Variants in SRPK1 observed in about 807,000 individuals in gnomAD.
The protein encoded by SRPK1 is SFRS protein kinase 1.
In SRPK1, 52 loss-of-function variants were observed where a neutral mutation model predicts 89.5. The ratio of observed to expected loss-of-function variants is 0.58; its 90% CI spans 0.46 to 0.73. The LOEUF is 0.73. Ranked by LOEUF, SRPK1 falls within the 30% of genes least tolerant of loss-of-function variation. The pLI is 0.00. For missense variants in SRPK1, 603 were observed against 780.6 expected, an observed-to-expected ratio of 0.77 and a Z score of 2.71; for synonymous variants, 255 against 270.2, an observed-to-expected ratio of 0.94 and a Z score of 0.55.
intron 2 of SRPK1, among the ~76,000 whole-genome samples, chr6:35,915,639 C>G (rs1195812778): frequency 6.6e-6 from 1 of 151,928 alleles, no homozygotes; most frequent in Non-Finnish European, 1.5e-5. Flanking sequence ...ATAATGTTAA[C>G]TAGGGAAAAG....
chr6:35,869,530 A>G lies in SRPK1; in HGVS notation c.1363T>C (p.Cys455Arg). 1 of 1,613,940 alleles carries G rather than the reference A, an allele frequency of 6.2e-7. No homozygotes were observed. Among genetic ancestry groups the G allele is most frequent in the Non-Finnish European group, 8.5e-7 (1 of 1,179,856 alleles). Residue 455 changes from cysteine to arginine, a missense_variant, in exon 11 of 16, where the codon TGT (cysteine) becomes CGT (arginine). Physicochemically the swap from Cys to Arg is radical, Grantham distance 180. Coordinates refer to ENST00000373825, the MANE Select transcript of SRPK1 (RefSeq NM_003137.5). Reference sequence around the variant, plus strand: ...TGTTCTTGCTCTTGTTCATCTTCACAGGGTATCTCTGCCCGAATGCTTTCT... The same window carrying G: ...TGTTCTTGCTCTTGTTCATCTTCACGGGGTATCTCTGCCCGAATGCTTTCT... ...LQESIRAEIP[C>R]EDEQEQEHNG...
intron 2 of SRPK1, among the ~76,000 whole-genome samples, chr6:35,897,549 C>A (rs544504621): frequency 3.7e-4 from 57 of 152,338 alleles, no homozygotes; most frequent in African/African-American, 1.3e-3. Context: ...GGGTCTCACT[C>A]TACCGCCCAG....
chr6:35,916,917 G>A (rs1165653389), intron 2 of SRPK1, among the ~76,000 whole-genome samples: 2 of 152,080 alleles, frequency 1.3e-5, no homozygotes, highest in Non-Finnish European at 1.5e-5. Context: ...AAAATTAGCC[G>A]GGCGTGGTGG....
In SRPK1 at chr6:35,857,454, C is replaced by T. The variant is rs1387284524; in HGVS notation, c.1513-86G>A. ...GCTTAATAATGGAGATGAAAATAAA[C>T]TCTCTGAAGTTTTTCCCAAACCAAA... On this transcript the variant is annotated intron_variant, in intron 12 of 15. Transcript: ENST00000373825. The T allele has an allele frequency of 4.4e-6, 5 of 1,138,818 alleles. No individual in the cohort carries two copies. In the Admixed American group the frequency reaches 1.1e-4, roughly 26 times the overall value. The allele number at this position is 1,138,818 out of a possible 1,614,324, so 70.5% of individuals were successfully genotyped here.
At chr6:35,895,025 A>G (rs185465239) in intron 2 of SRPK1, among the ~76,000 whole-genome samples, 5 of 152,276 alleles carry the variant, frequency 3.3e-5, no homozygotes, top group Non-Finnish European at 7.4e-5. Flanking sequence ...GAGAGCTCTG[A>G]GAGATTCCGG....
chr6:35,868,886 A>C, intron 12 of SRPK1, 124 bp downstream of exon 12: 1 of 690,136 alleles, frequency 1.4e-6, no homozygotes, highest in Non-Finnish European at 2.3e-6. Context: ...AAATGTAAAA[A>C]AATATTCACT....
intron 2 of SRPK1, among the ~76,000 whole-genome samples, chr6:35,915,995 TATACACACACACACACACAC>T (rs1188721821): frequency 7.3e-5 from 4 of 54,644 alleles, no homozygotes; most frequent in Non-Finnish European, 9.8e-5. Flanking sequence ...AAAAAAAATA[TATACACACACACACACACAC>T]ACACACACAC....
At chr6:35,859,921 C>A (rs1197622242) in intron 12 of SRPK1, among the ~76,000 whole-genome samples, 2 of 150,100 alleles carry the variant, frequency 1.3e-5, no homozygotes, top group Non-Finnish European at 1.5e-5. Flanking sequence ...TGCAGTGGTG[C>A]GATCTTGGCT....
At chr6:35,897,503 T>C (rs112901644) in intron 2 of SRPK1, among the ~76,000 whole-genome samples, 1 of 152,192 alleles carries the variant, frequency 6.6e-6, no homozygotes. Flanking sequence ...GTAGCAGTTA[T>C]TTAATTAATT....
At chr6:35,859,282 A>G (rs998548241) in intron 12 of SRPK1, among the ~76,000 whole-genome samples, 2 of 152,230 alleles carry the variant, frequency 1.3e-5, no homozygotes, top group African/African-American at 4.8e-5. Context: ...ATATAAAGGT[A>G]AATACTGTTA....
In SRPK1 at chr6:35,847,298, G is replaced by A. The variant is rs76924825; in HGVS notation, c.1621-4694C>T. Among the ~76,000 whole-genome samples, 306 of 152,204 alleles carry A rather than the reference G, an allele frequency of 2.0e-3. 2 individuals are homozygous for A. The highest frequency in any genetic ancestry group is 6.9e-3 in the African/African-American group (287 of 41,546). On this transcript the variant is annotated intron_variant, in intron 13 of 15. Coordinates refer to ENST00000373825, the MANE Select transcript of SRPK1 (RefSeq NM_003137.5). ...CATGGCTTGCGGTAGCCTCAACTCC[G>A]GGGCTCAAGTGATCCTCCTTCCTCA...
chr6:35,889,582 G>A (rs1770476364), intron 3 of SRPK1, among the ~76,000 whole-genome samples: 1 of 152,016 alleles, frequency 6.6e-6, no homozygotes, highest in East Asian at 1.9e-4. Context: ...TCAGGAGTTT[G>A]AGAACCAGAC....
intron 2 of SRPK1, among the ~76,000 whole-genome samples, chr6:35,904,664 T>C (rs1770811260): frequency 6.6e-6 from 1 of 151,704 alleles, no homozygotes; most frequent in African/African-American, 2.4e-5. Flanking sequence ...CTGGGCATGG[T>C]GGTGCGTGCC....
At chr6:35,901,098 T>C (rs1015821063) in intron 2 of SRPK1, among the ~76,000 whole-genome samples, 16 of 152,226 alleles carry the variant, frequency 1.1e-4, no homozygotes, top group African/African-American at 3.9e-4. Flanking sequence ...CTTTAGTCTT[T>C]TCTGTCTTGG....
intron 9 of SRPK1, among the ~76,000 whole-genome samples, 164 bp from the exon 10 acceptor site, chr6:35,870,658 T>C (rs1373698349): frequency 1.3e-5 from 2 of 152,214 alleles, no homozygotes; most frequent in African/African-American, 4.8e-5. Context: ...GATACTCTTA[T>C]AAACCCAAAT....
At chr6:35,890,768 A>C (rs1250431859) in intron 3 of SRPK1, 127 bp downstream of exon 3, 11 of 723,364 alleles carry the variant, frequency 1.5e-5, no homozygotes, top group Non-Finnish European at 2.2e-5. Flanking sequence ...ACTATTTCCT[A>C]TGTTTTAGAG....
At position 35,893,071 on chromosome 6, in the gene SRPK1, GTAA is replaced by G. The variant is rs1320755388; in HGVS notation, c.75-2061_75-2059del. ...AACATGTCTTTGGGAAATTTATTTA[GTAA>G]TACACTGGCCCACTTTCCTAAGTGG... On this transcript the variant is annotated intron_variant, in intron 2 of 15. Transcript: ENST00000373825. 2.0e-5 allele frequency among the ~76,000 whole-genome samples: 3 copies of G among 152,170 alleles called. No homozygotes were observed. The East Asian group carries it at 5.8e-4, about 29-fold the overall frequency.
At chr6:35,869,211 C>T in intron 11 of SRPK1, 101 bp from the exon 12 acceptor site, 3 of 1,017,640 alleles carry the variant, frequency 2.9e-6, no homozygotes, top group Non-Finnish European at 4.3e-6. Flanking sequence ...GTCAGCAATA[C>T]CCAAGTGACA....
intron 15 of SRPK1, 36 bp downstream of exon 15, chr6:35,838,301 C>T (rs1396207929): frequency 7.0e-7 from 1 of 1,428,230 alleles, no homozygotes; most frequent in Non-Finnish European, 9.4e-7. Flanking sequence ...TTAAACACTT[C>T]TGCCTCCTTA....
Sources: allele counts gnomAD v4.1 joint callset (sites outside exome capture counted in the v4.1 genomes callset), GRCh38; gene constraint gnomAD v4.1.1; transcripts MANE v1.5; gene names NCBI Gene and HGNC (gene_info 2026-07-23, HGNC 2026-07-21).